The following CCDC15 variants were observed in gnomAD, a reference collection of about 807,000 sequenced individuals.
The protein encoded by CCDC15 is coiled-coil domain containing 15, also known as coiled-coil domain-containing protein 15.
A neutral mutation model predicts 114.5 loss-of-function variants in CCDC15; 105 were observed. The ratio of observed to expected loss-of-function variants is 0.92; its 90% CI spans 0.78 to 1.08. CCDC15 has a LOEUF of 1.08. Ranked by LOEUF, CCDC15 falls within the 50% of genes least tolerant of loss-of-function variation. The pLI is 0.00. For synonymous variants in CCDC15, 334 were observed against 377.8 expected (o/e 0.88, Z 1.34); for missense variants, 1,105 against 1,093.6 (o/e 1.01, Z -0.15).
At chr11:125,030,672 T>A (rs1031462762) in intron 13 of CCDC15, among the ~76,000 whole-genome samples, 1 of 152,284 alleles carries the variant, frequency 6.6e-6, no homozygotes, top group African/African-American at 2.4e-5. Context: ...GCTCAGTGCT[T>A]GTCTCTTCTG....
At chr11:124,988,809 C>T (rs887449296) in intron 8 of CCDC15, among the ~76,000 whole-genome samples, 1 of 152,176 alleles carries the variant, frequency 6.6e-6, no homozygotes, top group Non-Finnish European at 1.5e-5. Context: ...ACTCCTTATC[C>T]ATTTAAGTTT....
chr11:124,984,765 T>A (rs1477876009), intron 6 of CCDC15, among the ~76,000 whole-genome samples: 1 of 152,094 alleles, frequency 6.6e-6, no homozygotes, highest in Non-Finnish European at 1.5e-5. Flanking sequence ...CAGGAACAAG[T>A]CCTGGTGCAC....
intron 11 of CCDC15, among the ~76,000 whole-genome samples, chr11:124,997,234 A>G (rs930038103): frequency 4.6e-5 from 7 of 152,214 alleles, no homozygotes; most frequent in African/African-American, 1.7e-4. Context: ...AAAATGGGTA[A>G]TGGATAGAGG....
chr11:124,986,625 T>G, intron 6 of CCDC15, 117 bp from the exon 7 acceptor site: 2 of 1,159,066 alleles, frequency 1.7e-6, no homozygotes, highest in South Asian at 4.0e-5. Flanking sequence ...CCTAGAATTT[T>G]ATTGCAATCA....
chr11:124,983,800 G>T (rs538251583), intron 6 of CCDC15, among the ~76,000 whole-genome samples: 3 of 152,210 alleles, frequency 2.0e-5, no homozygotes, highest in Admixed American at 2.0e-4. Flanking sequence ...ACGCCGTGGT[G>T]GGGTGCCGGC....
At chr11:124,982,477 G>A (rs1948086481) in intron 6 of CCDC15, among the ~76,000 whole-genome samples, 1 of 152,192 alleles carries the variant, frequency 6.6e-6, no homozygotes, top group Non-Finnish European at 1.5e-5. Flanking sequence ...TGTAAGGCAG[G>A]TCTGATGGTA....
Position 125,017,753 on chromosome 11 carries a change from G to A in CCDC15, c.2411+12541G>A, listed in dbSNP as rs575416747. Among the ~76,000 whole-genome samples the A allele has an allele frequency of 1.6e-4, 24 of 152,196 alleles. No individual in the cohort carries two copies. In the South Asian group the frequency reaches 5.0e-3, roughly 32 times the overall value. ...AAACTGTCCAGTGGGATAGGATGTGGTGGCAGAAGACAATAATATTGATGA... is the reference window on the plus strand; with the variant it reads ...AAACTGTCCAGTGGGATAGGATGTGATGGCAGAAGACAATAATATTGATGA... On this transcript the variant is annotated intron_variant, in intron 13 of 15. Transcript: ENST00000344762.
intron 13 of CCDC15, among the ~76,000 whole-genome samples, chr11:125,036,249 C>A (rs1010972144): frequency 8.1e-6 from 1 of 123,278 alleles, no homozygotes; most frequent in Non-Finnish European, 1.7e-5. Context: ...ACCAGACATA[C>A]TATTCTGCAA....
At chr11:124,987,036 C>A in intron 7 of CCDC15, 91 bp from the exon 8 acceptor site, 2 of 1,350,624 alleles carry the variant, frequency 1.5e-6, no homozygotes, top group Non-Finnish European at 2.0e-6. Context: ...TGCTTCACTG[C>A]CATATCATTT....
At chr11:125,039,314 G>A in intron 15 of CCDC15, 2 of 383,224 alleles carry the variant, frequency 5.2e-6, no homozygotes, top group Non-Finnish European at 9.2e-6. Flanking sequence ...TACTGTAGGA[G>A]GTCTTGAGTT....
intron 13 of CCDC15, chr11:125,037,999 A>C (rs1421191262): frequency 6.6e-6 from 1 of 151,878 alleles, no homozygotes; most frequent in Non-Finnish European, 1.5e-5. Context: ...GCTCACTGCA[A>C]CCTCTGCCTC....
chr11:125,018,309 T>C lies in CCDC15; in HGVS notation c.2411+13097T>C, dbSNP rs115970624. On this transcript the variant is annotated intron_variant, in intron 13 of 15. Transcript: ENST00000344762. The stretch of plus-strand genomic sequence containing the variant: ...GCCTACAGGATCCAGTCCAGTAATG[T>C]ACTGTACAGGCTTGTAGCCAAGGAA... 7.1e-3 allele frequency among the ~76,000 whole-genome samples: 1,074 copies of C among 152,214 alleles called. 9 individuals carry two copies. Among genetic ancestry groups the C allele is most frequent in the African/African-American group, 0.024 (1,007 of 41,542 alleles).
rs1262709743 is a variant in CCDC15, at chr11:124,998,162, GC to G, written c.2214+4925del. Among the ~76,000 whole-genome samples the G allele has an allele frequency of 5.3e-5, 8 of 152,220 alleles. No homozygotes were observed. The East Asian group carries it at 9.7e-4, about 18-fold the overall frequency. On this transcript the variant is annotated intron_variant, in intron 11 of 15. Coordinates refer to ENST00000344762, the MANE Select transcript of CCDC15 (RefSeq NM_025004.3). ...AGGTGCAGTGTGGTTTCTTCTTGTTGCCCCCCAGAGAGGCTGCCAGGGTCTG... is the reference window on the plus strand; with the variant it reads ...AGGTGCAGTGTGGTTTCTTCTTGTTGCCCCCAGAGAGGCTGCCAGGGTCTG...
chr11:125,004,655 T>C (rs1052594097), intron 12 of CCDC15, among the ~76,000 whole-genome samples: 1 of 152,118 alleles, frequency 6.6e-6, no homozygotes, highest in African/African-American at 2.4e-5. Context: ...TTTATGAGTC[T>C]GAGGCTTTAG....
chr11:124,990,342 A>G (rs531726513), intron 8 of CCDC15, among the ~76,000 whole-genome samples: 2 of 152,178 alleles, frequency 1.3e-5, no homozygotes, highest in Non-Finnish European at 2.9e-5. Flanking sequence ...CTGATCATAG[A>G]TCTCTATACC....
At chr11:125,029,966 T>A (rs1403440441) in intron 13 of CCDC15, among the ~76,000 whole-genome samples, 1 of 152,202 alleles carries the variant, frequency 6.6e-6, no homozygotes, top group East Asian at 1.9e-4. Context: ...TGTATCTCCC[T>A]TTTTTAGCCT....
intron 13 of CCDC15, among the ~76,000 whole-genome samples, chr11:125,008,508 C>T (rs1445506065): frequency 6.6e-6 from 1 of 152,034 alleles, no homozygotes; most frequent in African/African-American, 2.4e-5. Flanking sequence ...CCTTTTATTT[C>T]CTTTCGTTGC....
At chr11:124,997,861 GAA>G (rs1948402550) in intron 11 of CCDC15, among the ~76,000 whole-genome samples, 2 of 152,162 alleles carry the variant, frequency 1.3e-5, no homozygotes, top group African/African-American at 2.4e-5. Context: ...AGAATCACTT[GAA>G]CTCAGGAGGC....
intron 4 of CCDC15, among the ~76,000 whole-genome samples, chr11:124,974,454 G>A (rs1031970342): frequency 2.0e-5 from 3 of 152,140 alleles, no homozygotes; most frequent in Non-Finnish European, 4.4e-5. Context: ...TTTAATATTA[G>A]TAGTCATTTA....
Sources: gnomAD v4.1 joint callset for allele counts (sites outside exome capture counted in the v4.1 genomes callset) on GRCh38, gnomAD v4.1.1 for gene constraint, MANE v1.5 for transcripts, NCBI Gene and HGNC (gene_info 2026-07-23, HGNC 2026-07-21) for gene names.